Variants in SYT14 observed in about 807,000 individuals in gnomAD.
SYT14 encodes synaptotagmin-14.
Under a neutral mutation model 74.2 loss-of-function variants are expected in SYT14, and 32 were observed. The ratio of observed to expected loss-of-function variants is 0.43; its 90% CI spans 0.33 to 0.58. The LOEUF is 0.58. SYT14 is among the 20% of genes least tolerant of loss of function. The pLI is 0.05. For synonymous variants in SYT14, 298 were observed against 337.7 expected (o/e 0.88, Z 1.29); for missense variants, 791 against 981.8 (o/e 0.81, Z 2.60).
chr1:210,107,698 A>G (rs1364353613), intron 7 of SYT14, among the ~76,000 whole-genome samples: 1 of 152,096 alleles, frequency 6.6e-6, no homozygotes. Context: ...ATTTTATTTC[A>G]TTTTTTTCTA....
At chr1:210,155,676 T>G (rs2083253918) in intron 7 of SYT14, 45 bp from the exon 7 acceptor site, 1 of 1,597,392 alleles carries the variant, frequency 6.3e-7, no homozygotes, top group Non-Finnish European at 8.6e-7. Context: ...TCTCTTAATA[T>G]ATCTCTCTTG....
At chr1:210,157,738 C>T (rs1215373471) in intron 8 of SYT14, among the ~76,000 whole-genome samples, 1 of 150,588 alleles carries the variant, frequency 6.6e-6, no homozygotes, top group African/African-American at 2.4e-5. Flanking sequence ...AAGGCTCCAT[C>T]TAAAAAAATA....
chr1:209,958,825 T>TG (rs1186748162), intron 2 of SYT14, among the ~76,000 whole-genome samples: 4 of 152,166 alleles, frequency 2.6e-5, no homozygotes, highest in African/African-American at 9.6e-5. Context: ...GGCAGCTTCC[T>TG]GGGGAAAATA....
chr1:209,956,942 C>A (rs11810385), intron 2 of SYT14, among the ~76,000 whole-genome samples: 21,046 of 150,944 alleles, frequency 0.14, 4,551 homozygotes, highest in African/African-American at 0.47. Context: ...ACCCTACACC[C>A]TTTTTTTTTC....
At chr1:210,131,701 T>A (rs989225399) in intron 7 of SYT14, among the ~76,000 whole-genome samples, 1 of 152,186 alleles carries the variant, frequency 6.6e-6, no homozygotes, top group South Asian at 2.1e-4. Flanking sequence ...TGTAGCTACC[T>A]TTTTCCATAG....
chr1:210,019,018 C>G (rs1043834198), intron 4 of SYT14, among the ~76,000 whole-genome samples: 1 of 150,386 alleles, frequency 6.6e-6, no homozygotes, highest in African/African-American at 2.4e-5. Flanking sequence ...TGCTTATAAT[C>G]CCAGCTACTT....
intron 2 of SYT14, among the ~76,000 whole-genome samples, chr1:209,994,300 A>G (rs2079746926): frequency 1.3e-5 from 2 of 152,290 alleles, no homozygotes; most frequent in African/African-American, 2.4e-5. Context: ...GAAAGAACCA[A>G]CTGAACTTCT....
chr1:209,965,224 T>G (rs2079136092), intron 2 of SYT14, among the ~76,000 whole-genome samples: 1 of 152,132 alleles, frequency 6.6e-6, no homozygotes, highest in African/African-American at 2.4e-5. Flanking sequence ...TCAACCCTTT[T>G]CCCCCTCCCT....
At chr1:209,949,778 C>T (rs573734379) in intron 1 of SYT14, among the ~76,000 whole-genome samples, 107 of 152,066 alleles carry the variant, frequency 7.0e-4, no homozygotes, top group Non-Finnish European at 1.1e-3. Context: ...AAGTCTTATT[C>T]GTTGGTTAGA....
intron 2 of SYT14, among the ~76,000 whole-genome samples, chr1:209,977,008 T>C (rs2079378785): frequency 6.6e-6 from 1 of 152,234 alleles, no homozygotes; most frequent in African/African-American, 2.4e-5. Flanking sequence ...GTCTATTTTA[T>C]CAGAGACTAG....
intron 5 of SYT14, among the ~76,000 whole-genome samples, chr1:210,066,204 T>C (rs1047452713): frequency 1.3e-5 from 2 of 152,140 alleles, no homozygotes; most frequent in Non-Finnish European, 2.9e-5. Flanking sequence ...CATGTGTCTT[T>C]ATAGCAGCAT....
intron 5 of SYT14, among the ~76,000 whole-genome samples, chr1:210,086,443 C>T (rs1460107137): frequency 6.6e-6 from 1 of 152,254 alleles, no homozygotes; most frequent in African/African-American, 2.4e-5. Flanking sequence ...ATTTTGAGCT[C>T]AGATGGTTAG....
chr1:210,163,665 T>C lies in SYT14; in HGVS notation c.*2623T>C, dbSNP rs957781392. On this transcript the variant is annotated 3_prime_UTR_variant, in exon 10 of 10. Coordinates refer to ENST00000637265, the Ensembl canonical transcript of SYT14. The stretch of plus-strand genomic sequence containing the variant: ...GTTCTCCTTCACACACAGCAAAATA[T>C]ACATTTGTTTCTGTAGATTGACACA... 46 of 453,796 alleles carry C rather than the reference T, an allele frequency of 1.0e-4. 1 individual carries two copies. In the Admixed American group the frequency reaches 1.1e-3, roughly 10 times the overall value. 28.1% of individuals were successfully genotyped at this position (453,796 alleles called of 1,614,324 possible). A position where few individuals can be genotyped will look rare whatever the true frequency, so the allele number is the denominator to read the frequency against.
chr1:210,015,818 C>A, exon 4 of SYT14: 99 of 1,034,840 alleles, frequency 9.6e-5, no homozygotes, highest in Middle Eastern at 8.0e-4. Context: ...AGAATCTTTA[C>A]TTCAACATAT....
At chr1:210,059,558 G>A (rs1459838351) in intron 5 of SYT14, among the ~76,000 whole-genome samples, 2 of 149,812 alleles carry the variant, frequency 1.3e-5, no homozygotes, top group Non-Finnish European at 3.0e-5. Context: ...CAGAGTTGTG[G>A]GCCCTAGGAT....
chr1:210,082,003 A>C (rs894569088), intron 5 of SYT14, among the ~76,000 whole-genome samples: 41 of 152,300 alleles, frequency 2.7e-4, no homozygotes, highest in African/African-American at 9.6e-4. Context: ...TAGAGAGAAA[A>C]GTTAACGTTA....
intron 2 of SYT14, among the ~76,000 whole-genome samples, chr1:209,969,541 G>A (rs1396165977): frequency 8.4e-5 from 12 of 142,606 alleles, no homozygotes; most frequent in African/African-American, 3.1e-4. Flanking sequence ...AGGCTGGAGT[G>A]CAGTGGCGTG....
intron 2 of SYT14, among the ~76,000 whole-genome samples, chr1:209,980,986 T>C (rs540288453): frequency 4.6e-5 from 7 of 152,334 alleles, no homozygotes; most frequent in African/African-American, 1.7e-4. Flanking sequence ...CTGTAAACAA[T>C]GTCAGTGTTA....
At chr1:209,970,332 G>GT (rs2079229107) in intron 2 of SYT14, among the ~76,000 whole-genome samples, 1 of 152,036 alleles carries the variant, frequency 6.6e-6, no homozygotes, top group Admixed American at 6.6e-5. Context: ...TTTCCCCAGT[G>GT]TATGTTTTTG....
Sources: allele counts gnomAD v4.1 joint callset (sites outside exome capture counted in the v4.1 genomes callset), GRCh38; gene constraint gnomAD v4.1.1; transcripts MANE v1.5; gene names NCBI Gene and HGNC (gene_info 2026-07-23, HGNC 2026-07-21).